Variants in LARP4 observed in about 807,000 individuals in gnomAD.
LARP4 encodes la-related protein 4.
In LARP4, 29 loss-of-function variants were observed where a neutral mutation model predicts 92.9. The ratio of observed to expected loss-of-function variants is 0.31; its 90% CI spans 0.23 to 0.43. The LOEUF is 0.43. Ranked by LOEUF, LARP4 falls within the 20% of genes least tolerant of loss-of-function variation. The pLI, the probability that LARP4 is intolerant of heterozygous loss-of-function variation, is 1.00. For synonymous variants in LARP4, 279 were observed against 284.1 expected (o/e 0.98, Z 0.18); for missense variants, 732 against 860.0 (o/e 0.85, Z 1.86).
Position 50,447,850 on chromosome 12 carries a change from C to T in LARP4, c.805-5610C>T, listed in dbSNP as rs147458256. Among the ~76,000 whole-genome samples the T allele has an allele frequency of 2.9e-3, 436 of 151,934 alleles. 2 individuals carry two copies. Among genetic ancestry groups the T allele is most frequent in the Non-Finnish European group, 2.1e-3 (140 of 67,980 alleles). On this transcript the variant is annotated intron_variant, in intron 8 of 15. Coordinates refer to ENST00000398473, the MANE Select transcript of LARP4 (RefSeq NM_052879.5). The stretch of plus-strand genomic sequence containing the variant: ...AGGTGTCAGGCACTGGGCCCAGCTC[C>T]GCACCACTCCCCCCCCATTTTTTTC...
At chr12:50,413,944 A>G (rs1477479187) in intron 1 of LARP4, among the ~76,000 whole-genome samples, 3 of 152,186 alleles carry the variant, frequency 2.0e-5, no homozygotes, top group Non-Finnish European at 4.4e-5. Context: ...GGATGTTTAT[A>G]AAATTAGTGT....
chr12:50,404,211 A>C (rs749304294), intron 1 of LARP4, among the ~76,000 whole-genome samples: 9 of 152,150 alleles, frequency 5.9e-5, no homozygotes, highest in Non-Finnish European at 1.2e-4. Context: ...TGGACAACAG[A>C]GTGAGACTCT....
At chr12:50,434,648 C>G (rs1950158696) in intron 4 of LARP4, among the ~76,000 whole-genome samples, 1 of 150,560 alleles carries the variant, frequency 6.6e-6, no homozygotes, top group Non-Finnish European at 1.5e-5. Flanking sequence ...CTCTAATGAT[C>G]CACCCGCCTC....
intron 8 of LARP4, among the ~76,000 whole-genome samples, chr12:50,442,357 A>G (rs1314571818): frequency 6.6e-6 from 1 of 152,212 alleles, no homozygotes; most frequent in Non-Finnish European, 1.5e-5. Context: ...CTGATGACAC[A>G]TTTGATCCCT....
chr12:50,436,793 G>A (rs1236749275), intron 5 of LARP4, among the ~76,000 whole-genome samples: 7 of 152,172 alleles, frequency 4.6e-5, no homozygotes, highest in African/African-American at 1.7e-4. Context: ...AATATAGCAA[G>A]TCTGATAATA....
chr12:50,420,815 G>A (rs1947620414), intron 1 of LARP4: 1 of 152,050 alleles, frequency 6.6e-6, no homozygotes, highest in East Asian at 1.9e-4. Flanking sequence ...AGAAAACTCC[G>A]AGATGCAAGA....
rs1325862070 is a variant in LARP4, at chr12:50,479,385, T to C, written c.*3521T>C. On this transcript the variant is annotated 3_prime_UTR_variant, in exon 16 of 16. Coordinates refer to ENST00000398473, the MANE Select transcript of LARP4 (RefSeq NM_052879.5). ...CTATAATATATGATGGATTTTTTCC[T>C]AATTTTTTATATTTCCTTACAATTT... is the stretch of plus-strand genomic sequence containing the variant. 1 of 152,220 alleles carries C rather than the reference T, an allele frequency of 6.6e-6. No homozygotes were observed. The highest frequency in any genetic ancestry group is 1.5e-5 in the Non-Finnish European group (1 of 68,034). 9.4% of individuals were successfully genotyped at this position (152,220 alleles called of 1,614,324 possible). A position where few individuals can be genotyped will look rare whatever the true frequency, so the allele number is the denominator to read the frequency against.
intron 8 of LARP4, among the ~76,000 whole-genome samples, chr12:50,452,398 T>C (rs1381528108): frequency 1.3e-5 from 2 of 152,012 alleles, no homozygotes; most frequent in African/African-American, 4.8e-5. Context: ...GCCAGGCTGG[T>C]CTGGAATTCA....
intron 1 of LARP4, among the ~76,000 whole-genome samples, chr12:50,409,805 A>AT (rs1359606737): frequency 1.1e-3 from 161 of 149,558 alleles, no homozygotes; most frequent in Non-Finnish European, 1.7e-3. Context: ...TATTATTATT[A>AT]TTATTTTTTT....
chr12:50,468,633 C>T (rs139674145), intron 13 of LARP4, among the ~76,000 whole-genome samples: 30 of 152,190 alleles, frequency 2.0e-4, no homozygotes, highest in Admixed American at 1.2e-3. Context: ...CTTGGCTTTT[C>T]CATTTTCAGC....
chr12:50,453,318 CATTTT>C (rs1304229780), intron 8 of LARP4, 137 bp from the exon 9 acceptor site: 13 of 532,048 alleles, frequency 2.4e-5, no homozygotes, highest in African/African-American at 1.3e-4. Flanking sequence ...TTAAAGCTGT[CATTTT>C]CTTTTCTTTT....
chr12:50,417,352 G>A (rs1031322941), intron 1 of LARP4, among the ~76,000 whole-genome samples: 16 of 151,246 alleles, frequency 1.1e-4, no homozygotes, highest in African/African-American at 3.9e-4. Context: ...TCCAGCCTGG[G>A]TGACAGAGCA....
Position 50,440,533 on chromosome 12 carries a change from A to G in LARP4, c.734A>G (p.Asp245Gly). The change falls in exon 7 of 16, where the codon GAC becomes GGC. Residue 245 changes from aspartate to glycine, a missense_variant. Coordinates refer to ENST00000398473, the MANE Select transcript of LARP4 (RefSeq NM_052879.5). ...NSNWYITFQSDTDAQQAFKYL... is the reference protein window; with the variant it reads ...NSNWYITFQSGTDAQQAFKYL... Reference sequence around the variant, plus strand: ...AACTGGTATATCACTTTCCAGTCAGACACAGATGCACAACAGGTAAGAAGA... The same window carrying G: ...AACTGGTATATCACTTTCCAGTCAGGCACAGATGCACAACAGGTAAGAAGA... 6.2e-7 allele frequency: 1 copy of G among 1,609,260 alleles called. No homozygotes were observed. The highest frequency in any genetic ancestry group is 8.5e-7 in the Non-Finnish European group (1 of 1,175,572).
chr12:50,469,773 G>A (rs917632872), intron 13 of LARP4, among the ~76,000 whole-genome samples: 4 of 151,826 alleles, frequency 2.6e-5, no homozygotes, highest in Admixed American at 2.0e-4. Context: ...GCTGGGCATG[G>A]TGGCACGCAC....
intron 8 of LARP4, among the ~76,000 whole-genome samples, chr12:50,444,460 GC>G (rs1951707610): frequency 1.3e-5 from 2 of 151,978 alleles, no homozygotes; most frequent in South Asian, 4.2e-4. Context: ...AACATAAGTT[GC>G]AAGAAAATTC....
chr12:50,420,544 C>G lies in LARP4; in HGVS notation c.19-7218C>G, dbSNP rs145920567. 7.9e-5 allele frequency among the ~76,000 whole-genome samples: 12 copies of G among 152,226 alleles called. No homozygotes were observed. In the East Asian group the frequency reaches 2.3e-3, roughly 29 times the overall value. ...ATTTCACACTTAGACTTTTAATGAT[C>G]GTAAAACCTCATTAACAAATCAGAG... On this transcript the variant is annotated intron_variant, in intron 1 of 15. Transcript: ENST00000398473.
intron 1 of LARP4, among the ~76,000 whole-genome samples, chr12:50,424,825 A>G (rs1189157196): frequency 6.6e-6 from 1 of 152,132 alleles, no homozygotes; most frequent in African/African-American, 2.4e-5. Flanking sequence ...CAGCATCTCA[A>G]TCATTGTGTG....
chr12:50,462,784 A>G (rs2138735962), intron 12 of LARP4, among the ~76,000 whole-genome samples, 154 bp downstream of exon 12: 1 of 152,180 alleles, frequency 6.6e-6, no homozygotes, highest in African/African-American at 2.4e-5. Context: ...AATTTTTACC[A>G]CCACCACCCA....
chr12:50,405,242 C>G (rs527674345), intron 1 of LARP4, among the ~76,000 whole-genome samples: 1 of 152,158 alleles, frequency 6.6e-6, no homozygotes, highest in Non-Finnish European at 1.5e-5. Flanking sequence ...CAAACAATGT[C>G]CCTCTCTGGA....
Sources: gnomAD v4.1 joint callset for allele counts (sites outside exome capture counted in the v4.1 genomes callset) on GRCh38, gnomAD v4.1.1 for gene constraint, MANE v1.5 for transcripts, NCBI Gene and HGNC (gene_info 2026-07-23, HGNC 2026-07-21) for gene names.